Variants in TIRAP observed in about 807,000 individuals in gnomAD.
TIRAP encodes TIR domain containing adaptor protein.
Under a neutral mutation model 19.8 loss-of-function variants are expected in TIRAP, and 20 were observed. That is an observed-to-expected ratio of 1.01 (90% CI 0.71 to 1.47). The LOEUF (loss-of-function observed/expected upper bound fraction) is 1.47, where lower values mean the gene tolerates loss of function less well. Ranked by LOEUF, TIRAP falls within the 40% of genes most tolerant of loss-of-function variation. TIRAP has a pLI of 0.00. For synonymous variants in TIRAP, 125 were observed against 121.7 expected, an observed-to-expected ratio of 1.03 and a Z score of -0.18; for missense variants, 276 against 285.1, an observed-to-expected ratio of 0.97 and a Z score of 0.23.
rs1223763285 is a variant in TIRAP at position 126,293,214 on chromosome 11, T to C, written c.646+159T>C. ...CCTGGCTCCTGCACTTATTAACCCA[T>C]AAAAAGTAACTTGGCCAAGTTACTC... On this transcript the variant is annotated intron_variant, in intron 4 of 4. Transcript: ENST00000392679. 4 of 1,397,478 alleles carry C rather than the reference T, an allele frequency of 2.9e-6. No homozygotes were observed. The Admixed American group carries it at 8.1e-5, about 28-fold the overall frequency. The allele number at this position is 1,397,478 out of a possible 1,614,324, so 86.6% of individuals were successfully genotyped here. A position where few individuals can be genotyped will look rare whatever the true frequency, so the allele number is the denominator to read the frequency against.
Position 126,292,811 on chromosome 11 carries a change from C to A in TIRAP, c.402C>A (p.Cys134Ter). ...GCGGCGCTATAGTGTCCGAGCTGTG[C>A]CAGGCACTGAGCAGTAGTCACTGCC... is the stretch of plus-strand genomic sequence containing the variant. ...TPGGAIVSEL[C>*]QALSSSHCRV... is the part of the protein sequence containing the mutation. The change falls in exon 4 of 5, where the codon TGC (cysteine) becomes TGA (stop). Residue 134 changes from cysteine to a stop codon, truncating the protein, a stop_gained. Coordinates refer to ENST00000392679, the MANE Select transcript of TIRAP (RefSeq NM_001318777.2). LOFTEE classifies it high-confidence loss of function. 1 of 1,612,994 alleles carries A rather than the reference C, an allele frequency of 6.2e-7. No individual in the cohort carries two copies. The highest frequency in any genetic ancestry group is 8.5e-7 in the Non-Finnish European group (1 of 1,179,820).
Position 126,283,172 on chromosome 11 carries a change from C to G in TIRAP, c.-217+19C>G. ...CGCGCAGGTGAGCCCGGGGCGGGGT[C>G]GCGGGGGACCGGGAGGCGCGGCGGG... On this transcript the variant is annotated intron_variant, in intron 1 of 4. Coordinates refer to ENST00000392679, the MANE Select transcript of TIRAP (RefSeq NM_001318777.2). 1.0e-6 allele frequency: 1 copy of G among 981,864 alleles called. No individual in the cohort carries two copies. The highest frequency in any genetic ancestry group is 1.2e-6 in the Non-Finnish European group (1 of 827,040). The allele number at this position is 981,864 out of a possible 1,614,324, so 60.8% of individuals were successfully genotyped here.
At position 126,290,980 on chromosome 11, in the gene TIRAP, G is replaced by C. The variant is rs770625492; in HGVS notation, c.67+19G>C. On this transcript the variant is annotated intron_variant, in intron 3 of 4. Coordinates refer to ENST00000392679, the MANE Select transcript of TIRAP (RefSeq NM_001318777.2). This position sits in a 1 kb window ranked among gnomAD's most constrained non-coding sequence, Gnocchi z 4.9. ...ATGGCTGGTGAGTGGAACCGGACTC[G>C]CGACTCTGCTGTGTTCCTGAGTGTA... 31 of 1,595,788 alleles carry C rather than the reference G, an allele frequency of 1.9e-5. No individual in the cohort carries two copies. In the South Asian group the frequency reaches 3.3e-4, roughly 17 times the overall value.
chr11:126,289,639 T>A (rs1951358606), intron 1 of TIRAP: 1 of 985,020 alleles, frequency 1.0e-6, no homozygotes, highest in Non-Finnish European at 1.2e-6. Context: ...CTTCCATGAG[T>A]TCTCAGGTTT....
chr11:126,283,182 C>T (rs1951275247), intron 1 of TIRAP, 29 bp downstream of exon 1: 6 of 975,000 alleles, frequency 6.2e-6, no homozygotes, highest in Non-Finnish European at 7.3e-6. Context: ...CGCGGGGGAC[C>T]GGGAGGCGCG....
intron 4 of TIRAP, chr11:126,293,329 G>A (rs763335757): frequency 1.4e-6 from 1 of 720,684 alleles, no homozygotes; most frequent in Non-Finnish European, 2.5e-6. Flanking sequence ...CTCAGAACAT[G>A]GCCTAGCACA....
In TIRAP at chr11:126,290,011, C is replaced by T. The variant is rs1017490667; in HGVS notation, c.-216-451C>T. Among the ~76,000 whole-genome samples, 1 of 152,148 alleles carries T rather than the reference C, an allele frequency of 6.6e-6. No homozygotes were observed. The highest frequency in any genetic ancestry group is 6.6e-5 in the Admixed American group (1 of 15,266). ...CATTACAAGTTTAATAAACCATGAA[C>T]ATAATATACCCCTCCAATATCTAGA... On this transcript the variant is annotated intron_variant, in intron 1 of 4. Coordinates refer to ENST00000392679, the MANE Select transcript of TIRAP (RefSeq NM_001318777.2). This position sits in a 1 kb window ranked among gnomAD's most constrained non-coding sequence, Gnocchi z 4.9.
Position 126,288,131 on chromosome 11 carries a change from C to G in TIRAP, c.-216-2331C>G, listed in dbSNP as rs1201304517. On this transcript the variant is annotated intron_variant, in intron 1 of 4. Transcript: ENST00000392679. The surrounding 1 kb of genome is among the most constrained non-coding windows in gnomAD (Gnocchi z 5.0). ...CTGAGCTCACATGATCTGCCCACCT[C>G]GGCCTCCCAAAGTGCTGGGATTACA... 6.6e-6 allele frequency among the ~76,000 whole-genome samples: 1 copy of G among 152,220 alleles called. No individual in the cohort carries two copies. Among genetic ancestry groups the G allele is most frequent in the Non-Finnish European group, 1.5e-5 (1 of 68,048 alleles).
chr11:126,293,647 G>T lies in TIRAP; in HGVS notation c.647-21G>T, dbSNP rs112423831. ...TGCTGGGTTTGGGAGGTGTGACAAC[G>T]CTGTGATTGGTCTCTTTCAGATCTG... is the stretch of plus-strand genomic sequence containing the variant. On this transcript the variant is annotated intron_variant, in intron 4 of 4. Transcript: ENST00000392679. The T allele has an allele frequency of 3.4e-5, 55 of 1,613,570 alleles. 1 individual carries two copies. The South Asian group carries it at 5.8e-4, about 17-fold the overall frequency.
rs1951407046 is a variant in TIRAP at position 126,292,541 on chromosome 11, C to T, written c.132C>T (p.Ser44=). 6.2e-7 allele frequency: 1 copy of T among 1,614,108 alleles called. No homozygotes were observed. The highest frequency in any genetic ancestry group is 1.6e-4 in the Middle Eastern group (1 of 6,062). The change falls in exon 4 of 5, where the codon TCC becomes TCT. Residue 44 remains serine, a synonymous_variant. Transcript: ENST00000392679. ...KKRPNSPEST[S]SDASQPTSQD... ...GGCCCAACTCCCCAGAAAGCACCTCCAGCGATGCTTCACAGCCTACCTCAC... is the reference window on the plus strand; with the variant it reads ...GGCCCAACTCCCCAGAAAGCACCTCTAGCGATGCTTCACAGCCTACCTCAC...
rs763103589 is a variant in TIRAP, at chr11:126,293,701, A to G, written c.*14A>G. On this transcript the variant is annotated 3_prime_UTR_variant, in exon 5 of 5. Transcript: ENST00000392679. ...ACACTCAGTTGACACTTGTTATATC[A>G]TGGGACCCCGGAAATTGGAGTGAAG... The G allele has an allele frequency of 1.2e-6, 2 of 1,613,252 alleles. No individual in the cohort carries two copies. The highest frequency in any genetic ancestry group is 2.2e-5 in the South Asian group (2 of 91,062).
chr11:126,289,570 G>C, intron 1 of TIRAP: 1 of 853,104 alleles, frequency 1.2e-6, no homozygotes, highest in Non-Finnish European at 1.4e-6. Context: ...GAGCCATTGT[G>C]CCTGGCCACA....
intron 1 of TIRAP, 110 bp downstream of exon 1, chr11:126,283,263 C>A: frequency 3.6e-6 from 2 of 553,276 alleles, no homozygotes; most frequent in Non-Finnish European, 4.6e-6. Flanking sequence ...CACCGAGAGC[C>A]GCAGGGGTGC....
In TIRAP at chr11:126,288,802, AT is replaced by A. The variant is rs1299388961; in HGVS notation, c.-216-1655del. On this transcript the variant is annotated intron_variant, in intron 1 of 4. Coordinates refer to ENST00000392679, the MANE Select transcript of TIRAP (RefSeq NM_001318777.2). This position sits in a 1 kb window ranked among gnomAD's most constrained non-coding sequence, Gnocchi z 5.0. ...TTAAGTAGATTAACATATTATGTTA[AT>A]TTTTAACCTTTAGAATATTTACAAA... is the stretch of plus-strand genomic sequence containing the variant. 2.0e-5 allele frequency among the ~76,000 whole-genome samples: 3 copies of A among 152,246 alleles called. No homozygotes were observed. The highest frequency in any genetic ancestry group is 7.2e-5 in the African/African-American group (3 of 41,458).
chr11:126,291,490 C>G lies in TIRAP; in HGVS notation c.67+529C>G. 1 of 1,112,106 alleles carries G rather than the reference C, an allele frequency of 9.0e-7. No individual in the cohort carries two copies. The allele number at this position is 1,112,106 out of a possible 1,614,324, so 68.9% of individuals were successfully genotyped here. On this transcript the variant is annotated intron_variant, in intron 3 of 4. Coordinates refer to ENST00000392679, the MANE Select transcript of TIRAP (RefSeq NM_001318777.2). The surrounding 1 kb of genome is among the most constrained non-coding windows in gnomAD (Gnocchi z 5.6). The stretch of plus-strand genomic sequence containing the variant: ...GCCCGGCTCCCTGACATACCTGACA[C>G]TGCATTATCTCAGTTAACTTTCAGC...
rs1355153704 is a variant in TIRAP at position 126,291,270 on chromosome 11, C to T, written c.67+309C>T. ...TCTCTTGTCGTCCAAATCTTTGTTCCAGAACCATTTAGAGGAGAAGCCAAG... is the reference window on the plus strand; with the variant it reads ...TCTCTTGTCGTCCAAATCTTTGTTCTAGAACCATTTAGAGGAGAAGCCAAG... On this transcript the variant is annotated intron_variant, in intron 3 of 4. Coordinates refer to ENST00000392679, the MANE Select transcript of TIRAP (RefSeq NM_001318777.2). The surrounding 1 kb of genome is among the most constrained non-coding windows in gnomAD (Gnocchi z 5.6). 2 of 557,274 alleles carry T rather than the reference C, an allele frequency of 3.6e-6. No individual in the cohort carries two copies. The highest frequency in any genetic ancestry group is 1.9e-5 in the African/African-American group (1 of 52,656). The allele number at this position is 557,274 out of a possible 1,614,324, so 34.5% of individuals were successfully genotyped here.
rs955669309 is a variant in TIRAP at position 126,294,008 on chromosome 11, A to T, written c.*321A>T. The T allele has an allele frequency of 2.5e-5, 10 of 399,858 alleles. No individual in the cohort carries two copies. The highest frequency in any genetic ancestry group is 3.3e-5 in the Non-Finnish European group (7 of 213,350). 24.8% of individuals were successfully genotyped at this position (399,858 alleles called of 1,614,324 possible). A position where few individuals can be genotyped will look rare whatever the true frequency, so the allele number is the denominator to read the frequency against. ...AGGTGGTAGGAAGTGGTACTGATCA[A>T]TGATGGCCAGCAGGACTCATCTCCT... On this transcript the variant is annotated 3_prime_UTR_variant, in exon 5 of 5. Coordinates refer to ENST00000392679, the MANE Select transcript of TIRAP (RefSeq NM_001318777.2).
rs3802813 is a variant in TIRAP, at chr11:126,292,573, G to A, written c.164G>A (p.Ser55Asn). 81,895 of 1,613,986 alleles carry A rather than the reference G, an allele frequency of 0.051. 3,252 individuals are homozygous for A. The highest frequency in any genetic ancestry group is 0.17 in the East Asian group (7,555 of 44,854). Reference protein sequence around the residue: ...SDASQPTSQDSPLPPSLSSVT... With the variant: ...SDASQPTSQDNPLPPSLSSVT... ...GCTTCACAGCCTACCTCACAGGACA[G>A]CCCACTACCCCCAAGCCTCAGCTCA... Residue 55 changes from serine to asparagine, a missense_variant, in exon 4 of 5, where the codon AGC becomes AAC. Physicochemically the swap from Ser to Asn is conservative, Grantham distance 46 (BLOSUM62 1). Transcript: ENST00000392679.
chr11:126,294,307 T>C lies in TIRAP; in HGVS notation c.*620T>C, dbSNP rs1022816639. 1.5e-4 allele frequency: 47 copies of C among 311,142 alleles called. 1 individual carries two copies. Among genetic ancestry groups the C allele is most frequent in the South Asian group, 1.2e-3 (46 of 37,172 alleles). 19.3% of individuals were successfully genotyped at this position (311,142 alleles called of 1,614,324 possible). A position where few individuals can be genotyped will look rare whatever the true frequency, so the allele number is the denominator to read the frequency against. On this transcript the variant is annotated 3_prime_UTR_variant, in exon 5 of 5. Transcript: ENST00000392679. ...TCACTTCAAAGAGCTGTAGGGAAGATGCAGTCAGCACTGCACTGTATTTTT... is the reference window on the plus strand; with the variant it reads ...TCACTTCAAAGAGCTGTAGGGAAGACGCAGTCAGCACTGCACTGTATTTTT...
Sources: gnomAD v4.1 joint callset for allele counts (sites outside exome capture counted in the v4.1 genomes callset) on GRCh38, gnomAD v4.1.1 for gene constraint, Gnocchi (gnomAD v3.1) non-coding constraint, MANE v1.5 for transcripts, NCBI Gene and HGNC (gene_info 2026-07-23, HGNC 2026-07-21) for gene names.